CHCHD7: variants seen among roughly 807,000 people sequenced by gnomAD.
The protein encoded by CHCHD7 is coiled-coil-helix-coiled-coil-helix domain-containing protein 7.
In CHCHD7, 7 loss-of-function variants were observed where a neutral mutation model predicts 10.5. The observed-to-expected ratio is 0.67, with a 90% CI of 0.38 to 1.25. The LOEUF (loss-of-function observed/expected upper bound fraction) is 1.25, where lower values mean the gene tolerates loss of function less well. Ranked by LOEUF, CHCHD7 falls within the 50% of genes most tolerant of loss-of-function variation. The pLI is 0.02. For missense variants in CHCHD7, 100 were observed against 104.5 expected (o/e 0.96, Z 0.19); for synonymous variants, 40 against 36.0 (o/e 1.11, Z -0.40).
intron 3 of CHCHD7, chr8:56,216,794 A>G: frequency 1.4e-6 from 1 of 692,534 alleles, no homozygotes; most frequent in South Asian, 1.5e-5. Context: ...CAGCCCTAAA[A>G]CAATGTCTTT....
Position 56,218,691 on chromosome 8 carries a change from C to T in CHCHD7, c.*1256C>T, listed in dbSNP as rs1199313086. On this transcript the variant is annotated 3_prime_UTR_variant, in exon 4 of 4. Transcript: ENST00000355315. Reference sequence around the variant, plus strand: ...GGACCAGAAAAGAATGAATGCCTACCTGTGTAAGAAGTATTTTTGTATTTT... The same window carrying T: ...GGACCAGAAAAGAATGAATGCCTACTTGTGTAAGAAGTATTTTTGTATTTT... The T allele has an allele frequency of 5.0e-6, 1 of 200,994 alleles. No individual in the cohort carries two copies. The highest frequency in any genetic ancestry group is 2.3e-5 in the African/African-American group (1 of 43,534). The allele number at this position is 200,994 out of a possible 1,614,324, so 12.5% of individuals were successfully genotyped here. A position where few individuals can be genotyped will look rare whatever the true frequency, so the allele number is the denominator to read the frequency against.
intron 1 of CHCHD7, 32 bp from the exon 2 acceptor site, chr8:56,214,566 T>C: frequency 6.5e-7 from 1 of 1,532,924 alleles, no homozygotes; most frequent in Non-Finnish European, 9.0e-7. Flanking sequence ...TGTCAACTAC[T>C]GTATAATTAT....
chr8:56,217,389 C>A lies in CHCHD7; in HGVS notation c.212C>A (p.Ala71Glu). 2 of 1,612,194 alleles carry A rather than the reference C, an allele frequency of 1.2e-6. No homozygotes were observed. Among genetic ancestry groups the A allele is most frequent in the Non-Finnish European group, 1.7e-6 (2 of 1,178,284 alleles). The change falls in exon 4 of 4, where the codon GCA becomes GAA. Residue 71 changes from alanine (A) to glutamate (E), a missense_variant. Ala to Glu is a moderately radical substitution (Grantham distance 107). Coordinates refer to ENST00000355315, the MANE Select transcript of CHCHD7 (RefSeq NM_001011671.3). ...NGVKPFMPTA[A>E]ERDEILRAVG... Reference sequence around the variant, plus strand: ...GTGAAGCCATTTATGCCTACGGCAGCAGAAAGAGATGAAATCTTGAGAGCA... The same window carrying A: ...GTGAAGCCATTTATGCCTACGGCAGAAGAAAGAGATGAAATCTTGAGAGCA...
rs1483133217 is a variant in CHCHD7 at position 56,212,997 on chromosome 8, G to A, written c.-17+1160G>A. 3 of 780,104 alleles carry A rather than the reference G, an allele frequency of 3.8e-6. No individual in the cohort carries two copies. In the East Asian group the frequency reaches 7.6e-5, roughly 20 times the overall value. 48.3% of individuals were successfully genotyped at this position (780,104 alleles called of 1,614,324 possible). A position where few individuals can be genotyped will look rare whatever the true frequency, so the allele number is the denominator to read the frequency against. The stretch of plus-strand genomic sequence containing the variant: ...GCACGAAACTTAAATTTAATGCAAG[G>A]TTGTCTGATCCTTGTTGAGATTATT... On this transcript the variant is annotated intron_variant, in intron 1 of 3. Transcript: ENST00000355315.
At chr8:56,216,909 C>T (rs1314564376) in intron 3 of CHCHD7, 1 of 496,894 alleles carries the variant, frequency 2.0e-6, no homozygotes, top group East Asian at 3.8e-5. Flanking sequence ...TCACTGCCAT[C>T]CGTGGAAGTT....
At chr8:56,216,592 T>C in intron 3 of CHCHD7, 61 bp downstream of exon 3, 1 of 1,565,774 alleles carries the variant, frequency 6.4e-7, no homozygotes, top group Non-Finnish European at 8.8e-7. Context: ...AACTGAAGCC[T>C]AAAATTAGTC....
chr8:56,218,542 A>T lies in CHCHD7; in HGVS notation c.*1107A>T. On this transcript the variant is annotated 3_prime_UTR_variant, in exon 4 of 4. Transcript: ENST00000355315. ...GAACTGTCTGTCTGAGTCTAAAACC[A>T]AGCTCAGGTTTCTAAGCCACATGAC... 9.4e-6 allele frequency: 2 copies of T among 212,900 alleles called. No individual in the cohort carries two copies. The highest frequency in any genetic ancestry group is 1.4e-4 in the East Asian group (2 of 14,106). The allele number at this position is 212,900 out of a possible 1,614,324, so 13.2% of individuals were successfully genotyped here. A position where few individuals can be genotyped will look rare whatever the true frequency, so the allele number is the denominator to read the frequency against.
In CHCHD7 at chr8:56,217,400, GA is replaced by G; in HGVS notation, c.226del (p.Ile76SerfsTer2). 6.2e-7 allele frequency: 1 copy of G among 1,610,014 alleles called. No individual in the cohort carries two copies. The highest frequency in any genetic ancestry group is 2.2e-5 in the East Asian group (1 of 44,864). On this transcript the variant is annotated frameshift_variant, in exon 4 of 4. Coordinates refer to ENST00000355315, the MANE Select transcript of CHCHD7 (RefSeq NM_001011671.3). LOFTEE classifies it high-confidence loss of function. ...TATGCCTACGGCAGCAGAAAGAGAT[GA>G]AATCTTGAGAGCAGTGGGAAATATG... ...PFMPTAAERD[E>X]ILRAVGNMPY
chr8:56,217,444 A>G lies in CHCHD7; in HGVS notation c.*9A>G, dbSNP rs1463049499. On this transcript the variant is annotated 3_prime_UTR_variant, in exon 4 of 4. Transcript: ENST00000355315. Reference sequence around the variant, plus strand: ...GAAATATGCCCTATTGAATGTTTGCATTAAAAGTGTTTATATAACTTAGAA... The same window carrying G: ...GAAATATGCCCTATTGAATGTTTGCGTTAAAAGTGTTTATATAACTTAGAA... 1.7e-5 allele frequency: 25 copies of G among 1,464,248 alleles called. No homozygotes were observed. The highest frequency in any genetic ancestry group is 2.4e-5 in the Non-Finnish European group (25 of 1,045,014). 90.7% of individuals were successfully genotyped at this position (1,464,248 alleles called of 1,614,324 possible). A position where few individuals can be genotyped will look rare whatever the true frequency, so the allele number is the denominator to read the frequency against.
At chr8:56,213,998 C>G (rs920532122) in intron 1 of CHCHD7, 1 of 152,200 alleles carries the variant, frequency 6.6e-6, no homozygotes, top group African/African-American at 2.4e-5. Context: ...ATACTGTATT[C>G]TTAGGTTTTA....
chr8:56,216,760 T>A, intron 3 of CHCHD7: 1 of 701,944 alleles, frequency 1.4e-6, no homozygotes, highest in Non-Finnish European at 2.6e-6. Flanking sequence ...TATAGGTGGG[T>A]CTTCTTAGAC....
intron 2 of CHCHD7, chr8:56,214,902 C>A: frequency 2.6e-6 from 1 of 379,466 alleles, no homozygotes; most frequent in Non-Finnish European, 4.8e-6. Context: ...ATTTGGTTGT[C>A]ACTGTAAAAC....
At chr8:56,214,832 A>C in intron 2 of CHCHD7, 165 bp downstream of exon 2, 1 of 505,836 alleles carries the variant, frequency 2.0e-6, no homozygotes, top group South Asian at 3.3e-5. Context: ...AGATGTTTAT[A>C]ATTTCTCTAA....
rs79886886 is a variant in CHCHD7 at position 56,212,455 on chromosome 8, C to T, written c.-17+618C>T. The T allele has an allele frequency of 8.4e-3, 1,397 of 165,330 alleles. 17 individuals carry two copies. The highest frequency in any genetic ancestry group is 0.031 in the African/African-American group (1,313 of 41,994). 10.2% of individuals were successfully genotyped at this position (165,330 alleles called of 1,614,324 possible). A position where few individuals can be genotyped will look rare whatever the true frequency, so the allele number is the denominator to read the frequency against. On this transcript the variant is annotated intron_variant, in intron 1 of 3. Coordinates refer to ENST00000355315, the MANE Select transcript of CHCHD7 (RefSeq NM_001011671.3). ...TCAGAAACGTTTCCTTCCCCCTGCC[C>T]TTTCAAAGCTACTTAGAGAGGGGGG...
chr8:56,213,777 C>T (rs73596234), intron 1 of CHCHD7: 1 of 152,338 alleles, frequency 6.6e-6, no homozygotes, highest in African/African-American at 2.4e-5. Context: ...AAAATTTCAA[C>T]TCTTTTGTTT....
intron 1 of CHCHD7, chr8:56,214,361 G>A (rs940201093): frequency 1.2e-5 from 4 of 331,988 alleles, no homozygotes; most frequent in Non-Finnish European, 2.2e-5. Context: ...GTGAGACACC[G>A]CACCCAGCCA....
intron 2 of CHCHD7, chr8:56,214,882 A>C: frequency 2.3e-6 from 1 of 429,448 alleles, no homozygotes; most frequent in South Asian, 3.9e-5. Flanking sequence ...TATTTGTATA[A>C]TATGCAAGCA....
At chr8:56,216,591 C>T (rs764311175) in intron 3 of CHCHD7, 60 bp downstream of exon 3, 6 of 1,568,302 alleles carry the variant, frequency 3.8e-6, no homozygotes, top group Non-Finnish European at 5.3e-6. Flanking sequence ...AAACTGAAGC[C>T]TAAAATTAGT....
intron 1 of CHCHD7, chr8:56,212,846 A>G: frequency 6.2e-7 from 1 of 1,602,184 alleles, no homozygotes; most frequent in Non-Finnish European, 8.6e-7. Context: ...CGGAAGGAAA[A>G]GGAAATGAAA....
Sources: allele counts gnomAD v4.1 joint callset, GRCh38; gene constraint gnomAD v4.1.1; transcripts MANE v1.5; gene names NCBI Gene and HGNC (gene_info 2026-07-23, HGNC 2026-07-21).